TIAM1: variants seen among roughly 807,000 people sequenced by gnomAD.
TIAM1 encodes the protein TIAM Rac1 associated GEF 1.
In TIAM1, 65 loss-of-function variants were observed where a neutral mutation model predicts 163.5. The ratio of observed to expected loss-of-function variants is 0.40; its 90% confidence interval spans 0.33 to 0.49. The LOEUF is 0.49. Among genes scored for constraint, TIAM1 ranks in the 20% least tolerant of loss-of-function variants. The pLI, the probability that TIAM1 is intolerant of heterozygous loss-of-function variation, is 0.77. For synonymous variants in TIAM1, 833 were observed against 810.1 expected, an observed-to-expected ratio of 1.03 and a Z score of -0.48; for missense variants, 1,789 against 2,044.7, an observed-to-expected ratio of 0.87 and a Z score of 2.41.
chr21:31,152,612 T>C, intron 19 of TIAM1, 24 bp downstream of exon 19: 1 of 1,613,384 alleles, frequency 6.2e-7, no homozygotes, highest in Non-Finnish European at 8.5e-7. Context: ...GCCCTGACGC[T>C]GGAGGCAGCT....
chr21:31,192,228 G>A (rs989575901), intron 13 of TIAM1, among the ~76,000 whole-genome samples: 6 of 152,168 alleles, frequency 3.9e-5, no homozygotes, highest in African/African-American at 1.2e-4. Flanking sequence ...TGAGTATTCC[G>A]AGATGAAGAC....
chr21:31,536,513 A>T (rs566323500), intron 1 of TIAM1, among the ~76,000 whole-genome samples: 1 of 152,358 alleles, frequency 6.6e-6, no homozygotes, highest in South Asian at 2.1e-4. Context: ...CTAGAGATTC[A>T]AACTCTCACC....
chr21:31,349,426 C>T (rs2076198617), intron 2 of TIAM1, among the ~76,000 whole-genome samples: 1 of 152,258 alleles, frequency 6.6e-6, no homozygotes, highest in Admixed American at 6.5e-5. Flanking sequence ...CCCACCCACA[C>T]ACACAGTAAG....
At chr21:31,484,895 T>G (rs900374019) in intron 1 of TIAM1, among the ~76,000 whole-genome samples, 5 of 152,138 alleles carry the variant, frequency 3.3e-5, no homozygotes, top group Non-Finnish European at 7.4e-5. Context: ...CCCTTGTGAA[T>G]GGGATTAGTG....
chr21:31,383,781 G>A (rs1242009095), intron 2 of TIAM1, among the ~76,000 whole-genome samples: 1 of 152,192 alleles, frequency 6.6e-6, no homozygotes, highest in African/African-American at 2.4e-5. Flanking sequence ...GAAATGAAAA[G>A]CGAGCTCATT....
At chr21:31,478,804 A>G (rs527481287) in intron 1 of TIAM1, among the ~76,000 whole-genome samples, 251 of 152,318 alleles carry the variant, frequency 1.6e-3, no homozygotes, top group South Asian at 3.9e-3. Flanking sequence ...AAGGAAATCC[A>G]GCCCAACACA....
intron 1 of TIAM1, among the ~76,000 whole-genome samples, chr21:31,509,528 A>C (rs1170561742): frequency 6.6e-6 from 1 of 152,074 alleles, no homozygotes; most frequent in Non-Finnish European, 1.5e-5. Context: ...ACAAACACCC[A>C]CACCCAGGCA....
At chr21:31,353,835 C>CTTTTTTTTTTTTTTTTTTTT (rs71193103) in intron 2 of TIAM1, among the ~76,000 whole-genome samples, 5 of 71,234 alleles carry the variant, frequency 7.0e-5, no homozygotes, top group African/African-American at 1.1e-4. Flanking sequence ...ATTTATTTAT[C>CTTTTTTTTTTTTTTTTTTTT]TTTTTTTTTT....
intron 1 of TIAM1, among the ~76,000 whole-genome samples, chr21:31,467,402 G>A (rs1187189423): frequency 6.6e-6 from 1 of 152,164 alleles, no homozygotes; most frequent in Admixed American, 6.5e-5. Flanking sequence ...GGAGGCCGAG[G>A]TGGGCAGGTA....
chr21:31,216,119 G>A (rs922990211), intron 9 of TIAM1, among the ~76,000 whole-genome samples: 25 of 152,232 alleles, frequency 1.6e-4, no homozygotes, highest in African/African-American at 5.1e-4. Context: ...GCGGTTAGCC[G>A]AGATTGCACC....
chr21:31,150,797 G>A (rs986254657), intron 19 of TIAM1, among the ~76,000 whole-genome samples: 1 of 151,836 alleles, frequency 6.6e-6, no homozygotes, highest in Non-Finnish European at 1.5e-5. Context: ...TGAAAAGATG[G>A]GCCTCAAATA....
intron 2 of TIAM1, among the ~76,000 whole-genome samples, chr21:31,325,739 G>C (rs947988182): frequency 3.3e-5 from 5 of 151,888 alleles, no homozygotes; most frequent in African/African-American, 1.2e-4. Context: ...CATGTATCTG[G>C]GGAAATATAG....
intron 6 of TIAM1, among the ~76,000 whole-genome samples, chr21:31,237,097 C>A (rs1601656945): frequency 6.6e-6 from 1 of 152,232 alleles, no homozygotes; most frequent in East Asian, 1.9e-4. Flanking sequence ...CTAACAAAAC[C>A]GATGGTTGAA....
intron 2 of TIAM1, among the ~76,000 whole-genome samples, chr21:31,326,548 T>A (rs62221226): frequency 2.0e-5 from 3 of 152,120 alleles, no homozygotes; most frequent in African/African-American, 7.2e-5. Flanking sequence ...TAAAAGCCCA[T>A]GAACTGGAAA....
chr21:31,297,759 G>A (rs184643968), intron 2 of TIAM1, among the ~76,000 whole-genome samples: 80 of 152,210 alleles, frequency 5.3e-4, no homozygotes, highest in African/African-American at 1.6e-3. Context: ...TTTTACGTTA[G>A]GGTTTTGAGA....
intron 2 of TIAM1, among the ~76,000 whole-genome samples, chr21:31,334,505 C>CA (rs914312396): frequency 1.3e-5 from 2 of 152,060 alleles, no homozygotes; most frequent in South Asian, 2.1e-4. Flanking sequence ...GTTTGATCAG[C>CA]AAAAAAATCC....
chr21:31,361,618 C>T (rs2076407811), intron 2 of TIAM1, among the ~76,000 whole-genome samples: 1 of 152,066 alleles, frequency 6.6e-6, no homozygotes, highest in Non-Finnish European at 1.5e-5. Context: ...AATAGTAACC[C>T]CTTCCCAAAT....
At chr21:31,277,550 C>T (rs1294494460) in intron 2 of TIAM1, among the ~76,000 whole-genome samples, 1 of 152,146 alleles carries the variant, frequency 6.6e-6, no homozygotes, top group East Asian at 1.9e-4. Flanking sequence ...GAGGCTGTGG[C>T]GGGAGAATCG....
intron 5 of TIAM1, among the ~76,000 whole-genome samples, chr21:31,246,075 C>T (rs1601689413): frequency 1.3e-5 from 2 of 152,128 alleles, no homozygotes; most frequent in South Asian, 4.2e-4. Flanking sequence ...AAATATGTCT[C>T]GTATGATATG....
Sources: gnomAD v4.1 joint callset for allele counts (sites outside exome capture counted in the v4.1 genomes callset) on GRCh38, gnomAD v4.1.1 for gene constraint, MANE v1.5 for transcripts, NCBI Gene and HGNC (gene_info 2026-07-23, HGNC 2026-07-21) for gene names.